RFX2: variants seen among roughly 807,000 people sequenced by gnomAD.
RFX2 encodes the protein regulatory factor X2, also known as DNA-binding protein RFX2.
A neutral mutation model predicts 87.8 loss-of-function variants in RFX2; 20 were observed. The ratio of observed to expected loss-of-function variants is 0.23; its 90% CI spans 0.16 to 0.33. RFX2 has a LOEUF of 0.33. Ranked by LOEUF, RFX2 falls within the 10% of genes least tolerant of loss-of-function variation. RFX2 has a pLI of 1.00. For missense variants in RFX2, 767 were observed against 1,012.3 expected, an observed-to-expected ratio of 0.76 and a Z score of 3.29; for synonymous variants, 397 against 431.3, an observed-to-expected ratio of 0.92 and a Z score of 0.98.
intron 1 of RFX2, among the ~76,000 whole-genome samples, chr19:6,052,297 A>G (rs1407240706): frequency 6.6e-6 from 1 of 152,244 alleles, no homozygotes; most frequent in Non-Finnish European, 1.5e-5. Flanking sequence ...TACTGCAGAT[A>G]AAATTTCATC....
At position 6,023,936 on chromosome 19, in the gene RFX2, C is replaced by T. The variant is rs1249227282; in HGVS notation, c.597+2227G>A. ...CTGGGACTACAGGCATGTGCCACCA[C>T]GCCCGGCTAATATTTGTATTTTTGG... is the stretch of plus-strand genomic sequence containing the variant. On this transcript the variant is annotated intron_variant, in intron 6 of 17. Transcript: ENST00000303657. The surrounding 1 kb of genome is among the most constrained non-coding windows in gnomAD (Gnocchi z 4.9). 6.6e-6 allele frequency among the ~76,000 whole-genome samples: 1 copy of T among 152,134 alleles called. No homozygotes were observed. The highest frequency in any genetic ancestry group is 2.4e-5 in the African/African-American group (1 of 41,432).
chr19:6,034,518 T>C (rs1343555003), intron 5 of RFX2, among the ~76,000 whole-genome samples: 2 of 152,006 alleles, frequency 1.3e-5, no homozygotes, highest in Admixed American at 6.5e-5. Flanking sequence ...TGAGCCACCA[T>C]ACCAGCCCAA....
intron 5 of RFX2, among the ~76,000 whole-genome samples, chr19:6,035,888 T>TGTGTGTGTGA (rs1243051940): frequency 6.6e-6 from 1 of 150,422 alleles, no homozygotes; most frequent in African/African-American, 2.4e-5. Context: ...TGTGTGTGTG[T>TGTGTGTGTGA]GAAAACATAG....
In RFX2 at chr19:6,101,708, C is replaced by G. The variant is rs2088129906; in HGVS notation, c.-9+8685G>C. Among the ~76,000 whole-genome samples the G allele has an allele frequency of 1.3e-5, 2 of 152,206 alleles. No individual in the cohort carries two copies. Among genetic ancestry groups the G allele is most frequent in the African/African-American group, 4.8e-5 (2 of 41,454 alleles). ...GGACCCAATCCTTTTTCACATGGGACTTGGGCAAGTCTAATCTTTCTGGTT... is the reference window on the plus strand; with the variant it reads ...GGACCCAATCCTTTTTCACATGGGAGTTGGGCAAGTCTAATCTTTCTGGTT... On this transcript the variant is annotated intron_variant, in intron 1 of 17. Coordinates refer to ENST00000303657, the MANE Select transcript of RFX2 (RefSeq NM_000635.4). This position sits in a 1 kb window ranked among gnomAD's most constrained non-coding sequence, Gnocchi z 4.9.
intron 1 of RFX2, among the ~76,000 whole-genome samples, chr19:6,053,272 T>C (rs2087288419): frequency 6.6e-6 from 1 of 152,208 alleles, no homozygotes; most frequent in South Asian, 2.1e-4. Flanking sequence ...TGATTCTAAT[T>C]AAACAACATT....
chr19:6,078,632 T>G (rs2087730463), intron 1 of RFX2, among the ~76,000 whole-genome samples: 2 of 152,124 alleles, frequency 1.3e-5, no homozygotes, highest in African/African-American at 4.8e-5. Flanking sequence ...CTTAAAAAGA[T>G]CTAGAAGGAC....
chr19:6,050,208 C>T lies in RFX2; in HGVS notation c.-8-2704G>A, dbSNP rs1175047321. ...GCAGGAGGGAGAGTTTGAATCTAGC[C>T]AAGTCACTTGCCTTCAGGGGAACTC... is the stretch of plus-strand genomic sequence containing the variant. On this transcript the variant is annotated intron_variant, in intron 1 of 17. Coordinates refer to ENST00000303657, the MANE Select transcript of RFX2 (RefSeq NM_000635.4). The surrounding 1 kb of genome is among the most constrained non-coding windows in gnomAD (Gnocchi z 4.6). Among the ~76,000 whole-genome samples the T allele has an allele frequency of 6.6e-6, 1 of 152,166 alleles. No homozygotes were observed. Among genetic ancestry groups the T allele is most frequent in the Non-Finnish European group, 1.5e-5 (1 of 68,030 alleles).
At chr19:6,032,316 G>C (rs2086963686) in intron 5 of RFX2, among the ~76,000 whole-genome samples, 1 of 152,104 alleles carries the variant, frequency 6.6e-6, no homozygotes, top group South Asian at 2.1e-4. Context: ...TATTTTAGTA[G>C]AGACAGGGTT....
chr19:6,079,626 G>A (rs1225505206), intron 1 of RFX2, among the ~76,000 whole-genome samples: 2 of 152,150 alleles, frequency 1.3e-5, no homozygotes, highest in Non-Finnish European at 2.9e-5. Context: ...GGTGGCTCAC[G>A]CCTGTAATCC....
chr19:6,036,377 C>T (rs540038969), intron 5 of RFX2, among the ~76,000 whole-genome samples: 18 of 152,190 alleles, frequency 1.2e-4, no homozygotes, highest in South Asian at 4.2e-4. Flanking sequence ...TGGGGCACTA[C>T]GCCTGTCCTC....
intron 1 of RFX2, chr19:6,071,948 C>T (rs1199930545): frequency 6.6e-6 from 1 of 152,092 alleles, no homozygotes; most frequent in Non-Finnish European, 1.5e-5. Context: ...AACATTTTCT[C>T]CCGGTGTGGG....
At chr19:6,018,591 T>G (rs1468204798) in intron 6 of RFX2, among the ~76,000 whole-genome samples, 1 of 152,212 alleles carries the variant, frequency 6.6e-6, no homozygotes, top group East Asian at 1.9e-4. Context: ...AAGTTAAGTC[T>G]TGGGCTGGAG....
chr19:6,109,677 G>A (rs1288292139), intron 1 of RFX2, among the ~76,000 whole-genome samples: 1 of 152,110 alleles, frequency 6.6e-6, no homozygotes, highest in Non-Finnish European at 1.5e-5. Flanking sequence ...CCCCAATTTC[G>A]GAGGTTTGGG....
intron 1 of RFX2, among the ~76,000 whole-genome samples, chr19:6,107,443 C>G (rs1215183873): frequency 6.6e-6 from 1 of 151,410 alleles, no homozygotes; most frequent in Non-Finnish European, 1.5e-5. Context: ...ATAGTGAAAC[C>G]CCATCCCTAC....
Position 6,035,850 on chromosome 19 carries a change from GGTGTGTGTGTGTGT to G in RFX2, c.522+4116_522+4129del, listed in dbSNP as rs34008943. On this transcript the variant is annotated intron_variant, in intron 5 of 17. Transcript: ENST00000303657. ...ATGACTCCCCCAGAGCTTGGTGGGG[GGTGTGTGTGTGTGT>G]GTGTGTGTGTGTGTGTGTGTGTGTG... Among the ~76,000 whole-genome samples the G allele has an allele frequency of 7.1e-3, 972 of 137,242 alleles. 3 individuals carry two copies. The highest frequency in any genetic ancestry group is 0.011 in the Non-Finnish European group (689 of 65,110). 90.0% of individuals were successfully genotyped at this position (137,242 alleles called of 152,430 possible).
At chr19:6,033,897 C>A (rs1334756274) in intron 5 of RFX2, among the ~76,000 whole-genome samples, 2 of 152,154 alleles carry the variant, frequency 1.3e-5, no homozygotes, top group East Asian at 3.8e-4. Context: ...TGGTGACATT[C>A]CTTTATCAAA....
At chr19:6,085,630 C>A (rs901492936) in intron 1 of RFX2, among the ~76,000 whole-genome samples, 1 of 152,202 alleles carries the variant, frequency 6.6e-6, no homozygotes, top group Non-Finnish European at 1.5e-5. Context: ...CCTAATCCTT[C>A]TGTTTTTCCT....
In RFX2 at chr19:6,040,083, C is replaced by A. The variant is rs190511322; in HGVS notation, c.419G>T (p.Gly140Val). 6.2e-7 allele frequency: 1 copy of A among 1,612,202 alleles called. No individual in the cohort carries two copies. The highest frequency in any genetic ancestry group is 1.3e-5 in the African/African-American group (1 of 74,910). Residue 140 changes from glycine to valine, a missense_variant, in exon 5 of 18, where the codon GGG (glycine) becomes GTG (valine). By Grantham distance (109) the Gly-to-Val change is moderately radical. Coordinates refer to ENST00000303657, the MANE Select transcript of RFX2 (RefSeq NM_000635.4). The surrounding 1 kb of genome is among the most constrained non-coding windows in gnomAD (Gnocchi z 6.1). ...CGCGCTGGAGACGATGGGGCTCCCC[C>A]CGACATCCATGGTGATGCCCACCAT... Reference protein sequence around the residue: ...HSMVGITMDVGGSPIVSSAGA... With the variant: ...HSMVGITMDVVGSPIVSSAGA...
In RFX2 at chr19:6,040,035, C is replaced by A. The variant is rs143838272; in HGVS notation, c.467G>T (p.Gly156Val). The A allele has an allele frequency of 3.6e-3, 5,752 of 1,609,178 alleles. 17 individuals are homozygous for A. The highest frequency in any genetic ancestry group is 4.4e-3 in the Non-Finnish European group (5,191 of 1,178,214). Residue 156 changes from glycine (G) to valine (V), a missense_variant, in exon 5 of 18, where the codon GGG becomes GTG. Physicochemically the swap from Gly to Val is moderately radical, Grantham distance 109. Coordinates refer to ENST00000303657, the MANE Select transcript of RFX2 (RefSeq NM_000635.4). The surrounding 1 kb of genome is among the most constrained non-coding windows in gnomAD (Gnocchi z 6.1). ...CAGGGAGTGTCTGGTGCTGTCCATC[C>A]CCCCGTGGATGAGATAGGCTCCCGC... The part of the protein sequence containing the change: ...SSAGAYLIHG[G>V]MDSTRHSLAH...
Sources: gnomAD v4.1 joint callset for allele counts (sites outside exome capture counted in the v4.1 genomes callset) on GRCh38, gnomAD v4.1.1 for gene constraint, Gnocchi (gnomAD v3.1) non-coding constraint, MANE v1.5 for transcripts, NCBI Gene and HGNC (gene_info 2026-07-23, HGNC 2026-07-21) for gene names.